ERG: variants seen among roughly 807,000 people sequenced by gnomAD.
ERG encodes transcriptional regulator ERG.
Under a neutral mutation model 55.3 loss-of-function variants are expected in ERG, and 9 were observed. That is an observed-to-expected ratio of 0.16 (90% confidence interval 0.10 to 0.28). The LOEUF (loss-of-function observed/expected upper bound fraction) is 0.28. ERG is among the 10% of genes least tolerant of loss of function. ERG has a pLI of 1.00. For missense variants in ERG, 434 were observed against 631.6 expected (o/e 0.69, Z 3.35); for synonymous variants, 223 against 237.3 (o/e 0.94, Z 0.55).
chr21:38,441,715 A>G (rs936643581), intron 2 of ERG, among the ~76,000 whole-genome samples: 10 of 152,160 alleles, frequency 6.6e-5, no homozygotes, highest in African/African-American at 2.4e-4. Flanking sequence ...TGGGTAGGGG[A>G]CGATGACACT....
chr21:38,474,947 C>T (rs1055087343), intron 1 of ERG, among the ~76,000 whole-genome samples: 14 of 152,272 alleles, frequency 9.2e-5, no homozygotes, highest in Non-Finnish European at 2.9e-5. Context: ...CTCTAAAAGA[C>T]ATGCACATGT....
At chr21:38,470,380 C>CA (rs2059128903) in intron 1 of ERG, among the ~76,000 whole-genome samples, 2 of 152,238 alleles carry the variant, frequency 1.3e-5, no homozygotes, top group South Asian at 2.1e-4. Context: ...AAAGGAATAT[C>CA]AGGGATCTTA....
rs141431126 is a variant in ERG at position 38,555,258 on chromosome 21, C to T, written c.-41+20404G>A. 2.2e-3 allele frequency among the ~76,000 whole-genome samples: 328 copies of T among 151,524 alleles called. 4 individuals carry two copies. The highest frequency in any genetic ancestry group is 7.6e-3 in the African/African-American group (315 of 41,312). On this transcript the variant is annotated intron_variant, in intron 2 of 8. Transcript: ENST00000398897. The stretch of plus-strand genomic sequence containing the variant: ...AGGAGAATTGCTTGAGCCCGGGAGA[C>T]GGAGGCTGCAGTGAGCTGAGATCAT...
chr21:38,656,853 C>T (rs1215857742), intron 1 of ERG, among the ~76,000 whole-genome samples: 2 of 152,114 alleles, frequency 1.3e-5, no homozygotes, highest in Non-Finnish European at 2.9e-5. Flanking sequence ...TCTATATATG[C>T]CTGTTTTCTT....
At position 38,384,425 on chromosome 21, in the gene ERG, A is replaced by G. The variant is rs988095658; in HGVS notation, c.920-502T>C. ...CCAAGCTCTGCATCAAGGGAACCCGACCTAGGACGATGATCTAACAGATTC... is the reference window on the plus strand; with the variant it reads ...CCAAGCTCTGCATCAAGGGAACCCGGCCTAGGACGATGATCTAACAGATTC... On this transcript the variant is annotated intron_variant, in intron 9 of 9. Coordinates refer to ENST00000288319, the MANE Select transcript of ERG (RefSeq NM_182918.4). 2.6e-5 allele frequency among the ~76,000 whole-genome samples: 4 copies of G among 152,218 alleles called. No homozygotes were observed. The East Asian group carries it at 7.7e-4, about 29-fold the overall frequency.
chr21:38,417,528 C>T (rs993896543), intron 3 of ERG, among the ~76,000 whole-genome samples: 3 of 152,176 alleles, frequency 2.0e-5, no homozygotes, highest in South Asian at 2.1e-4. Flanking sequence ...GTGGCTCACG[C>T]CTGTAATCCC....
At chr21:38,493,716 T>C (rs1848472997) in intron 1 of ERG, among the ~76,000 whole-genome samples, 1 of 152,054 alleles carries the variant, frequency 6.6e-6, no homozygotes, top group South Asian at 2.1e-4. Context: ...CAGCACCACC[T>C]CGGGCGACCC....
intron 2 of ERG, among the ~76,000 whole-genome samples, chr21:38,564,217 C>T (rs1221514395): frequency 2.6e-5 from 4 of 151,732 alleles, no homozygotes; most frequent in South Asian, 4.2e-4. Context: ...GTGGGTTTTA[C>T]GATAAGATGT....
At chr21:38,649,335 G>A (rs1490837977) in intron 1 of ERG, among the ~76,000 whole-genome samples, 1 of 152,144 alleles carries the variant, frequency 6.6e-6, no homozygotes. Context: ...CTCCCTTGAT[G>A]ATGTGGCAAA....
chr21:38,421,316 A>G (rs538594427), intron 3 of ERG, among the ~76,000 whole-genome samples: 1 of 152,332 alleles, frequency 6.6e-6, no homozygotes, highest in African/African-American at 2.4e-5. Flanking sequence ...GTCTTAAAAA[A>G]TGCTTTGAAA....
intron 1 of ERG, among the ~76,000 whole-genome samples, chr21:38,645,641 T>G (rs1327309165): frequency 6.6e-6 from 1 of 152,148 alleles, no homozygotes; most frequent in Non-Finnish European, 1.5e-5. Flanking sequence ...AAGAGACAAT[T>G]TGGAAAAACA....
At position 38,382,790 on chromosome 21, in the gene ERG, G is replaced by A. The variant is rs1164969894; in HGVS notation, c.*613C>T. 9.4e-7 allele frequency: 1 copy of A among 1,065,970 alleles called. No homozygotes were observed. The highest frequency in any genetic ancestry group is 1.1e-6 in the Non-Finnish European group (1 of 879,548). The allele number at this position is 1,065,970 out of a possible 1,614,324, so 66.0% of individuals were successfully genotyped here. A position where few individuals can be genotyped will look rare whatever the true frequency, so the allele number is the denominator to read the frequency against. On this transcript the variant is annotated 3_prime_UTR_variant, in exon 10 of 10. Coordinates refer to ENST00000288319, the MANE Select transcript of ERG (RefSeq NM_182918.4). ...GTCCCGGTAATACTGTAAAGGAGTT[G>A]GAAACTTTGGGTCATCTTCACAGTT...
chr21:38,410,675 T>C (rs1334365731), intron 3 of ERG, among the ~76,000 whole-genome samples: 2 of 152,174 alleles, frequency 1.3e-5, no homozygotes, highest in Non-Finnish European at 2.9e-5. Context: ...CAGGAAAATA[T>C]TGAGTAGATA....
intron 5 of ERG, among the ~76,000 whole-genome samples, chr21:38,401,619 G>A (rs1224257358): frequency 6.6e-6 from 1 of 152,110 alleles, no homozygotes; most frequent in Non-Finnish European, 1.5e-5. Flanking sequence ...CTATGTGAGG[G>A]CTGATCGTGA....
chr21:38,645,178 T>A (rs1407093319), intron 1 of ERG, among the ~76,000 whole-genome samples: 1 of 152,134 alleles, frequency 6.6e-6, no homozygotes, highest in Non-Finnish European at 1.5e-5. Context: ...TAAACGATTT[T>A]AAAAATTTTA....
chr21:38,546,663 G>A (rs56166660), intron 2 of ERG, among the ~76,000 whole-genome samples: 50 of 152,310 alleles, frequency 3.3e-4, no homozygotes, highest in African/African-American at 1.2e-3. Context: ...ATGAGGGAGA[G>A]CTGGAGGTAG....
chr21:38,575,835 A>C, intron 1 of ERG: 1 of 961,408 alleles, frequency 1.0e-6, no homozygotes, highest in Non-Finnish European at 1.6e-6. Context: ...CAATTCACCA[A>C]TGGCAAAAGA....
intron 1 of ERG, among the ~76,000 whole-genome samples, chr21:38,636,151 C>T (rs1272856760): frequency 2.6e-5 from 4 of 152,314 alleles, no homozygotes; most frequent in South Asian, 4.1e-4. Context: ...CTCCTTCCTG[C>T]TGCCATGTGA....
chr21:38,567,409 C>T (rs1728965986), intron 2 of ERG, among the ~76,000 whole-genome samples: 1 of 152,074 alleles, frequency 6.6e-6, no homozygotes, highest in Admixed American at 6.6e-5. Flanking sequence ...TGCCATCATC[C>T]TGCAGAAAAA....
Sources: gnomAD v4.1 joint callset for allele counts (sites outside exome capture counted in the v4.1 genomes callset) on GRCh38, gnomAD v4.1.1 for gene constraint, MANE v1.5 for transcripts, NCBI Gene and HGNC (gene_info 2026-07-23, HGNC 2026-07-21) for gene names.